Variants in ARHGAP26 observed in about 807,000 individuals in gnomAD.
The protein encoded by ARHGAP26 is rho GTPase-activating protein 26.
Under a neutral mutation model 104.8 loss-of-function variants are expected in ARHGAP26, and 38 were observed. The observed-to-expected ratio is 0.36, with a 90% confidence interval of 0.28 to 0.48. The LOEUF is 0.48. ARHGAP26 is among the 20% of genes least tolerant of loss of function. The pLI is 0.99. For missense variants in ARHGAP26, 704 were observed against 947.9 expected, an observed-to-expected ratio of 0.74 and a Z score of 3.38; for synonymous variants, 341 against 340.0, an observed-to-expected ratio of 1.00 and a Z score of -0.03.
At chr5:142,869,218 T>C (rs1329664206) in intron 1 of ARHGAP26, among the ~76,000 whole-genome samples, 1 of 149,588 alleles carries the variant, frequency 6.7e-6, no homozygotes, top group South Asian at 2.1e-4. Context: ...CTTTTTTTTT[T>C]TTTTTTGAGA....
At chr5:143,136,383 T>C (rs1445614022) in intron 19 of ARHGAP26, among the ~76,000 whole-genome samples, 1 of 152,180 alleles carries the variant, frequency 6.6e-6, no homozygotes, top group Non-Finnish European at 1.5e-5. Flanking sequence ...AGGGCCTTTC[T>C]CTAAATGTTA....
chr5:142,775,828 A>G (rs1756208214), intron 1 of ARHGAP26, among the ~76,000 whole-genome samples: 1 of 152,202 alleles, frequency 6.6e-6, no homozygotes, highest in Non-Finnish European at 1.5e-5. Context: ...TCATGGCTAA[A>G]TATCTTATTG....
At chr5:142,796,475 C>T (rs923551792) in intron 1 of ARHGAP26, among the ~76,000 whole-genome samples, 1 of 152,162 alleles carries the variant, frequency 6.6e-6, no homozygotes, top group Middle Eastern at 3.2e-3. Context: ...TATTAAAATT[C>T]CCACATATAT....
At chr5:142,920,594 T>C (rs1228280899) in intron 10 of ARHGAP26, among the ~76,000 whole-genome samples, 1 of 152,202 alleles carries the variant, frequency 6.6e-6, no homozygotes, top group African/African-American at 2.4e-5. Flanking sequence ...TAGCTGACTC[T>C]CACCAATGTC....
intron 14 of ARHGAP26, among the ~76,000 whole-genome samples, chr5:143,052,229 T>G (rs1383096207): frequency 6.6e-6 from 1 of 152,134 alleles, no homozygotes; most frequent in African/African-American, 2.4e-5. Context: ...CCCAGCACTT[T>G]AGGAGGCCGA....
intron 6 of ARHGAP26, among the ~76,000 whole-genome samples, chr5:142,897,096 G>T (rs757994655): frequency 1.3e-5 from 2 of 152,192 alleles, no homozygotes; most frequent in Non-Finnish European, 2.9e-5. Flanking sequence ...GGCATTCACA[G>T]CCTCACTGGG....
intron 11 of ARHGAP26, among the ~76,000 whole-genome samples, chr5:142,991,367 T>C (rs1775589513): frequency 6.6e-6 from 1 of 152,190 alleles, no homozygotes; most frequent in Non-Finnish European, 1.5e-5. Context: ...CTGTCACAGC[T>C]TCCCTTGGCC....
At chr5:142,841,863 G>T (rs527465065) in intron 1 of ARHGAP26, among the ~76,000 whole-genome samples, 8 of 152,300 alleles carry the variant, frequency 5.3e-5, no homozygotes, top group Middle Eastern at 3.4e-3. Context: ...TCAGAGGGAG[G>T]TCCTGTTGCA....
intron 22 of ARHGAP26, among the ~76,000 whole-genome samples, chr5:143,221,709 G>C (rs1811164383): frequency 6.6e-6 from 1 of 152,260 alleles, no homozygotes. Context: ...ATTTTGTAGA[G>C]ACAAGGTTTT....
intron 19 of ARHGAP26, among the ~76,000 whole-genome samples, chr5:143,146,277 G>A (rs529104809): frequency 6.6e-6 from 1 of 152,262 alleles, no homozygotes; most frequent in Non-Finnish European, 1.5e-5. Context: ...ATGATTCCAA[G>A]TTTTTAAAGA....
intron 21 of ARHGAP26, among the ~76,000 whole-genome samples, chr5:143,210,072 A>T (rs1032262816): frequency 1.3e-5 from 2 of 152,162 alleles, no homozygotes; most frequent in African/African-American, 4.8e-5. Flanking sequence ...CTTCTGAATG[A>T]TGTCTCCTCT....
intron 1 of ARHGAP26, among the ~76,000 whole-genome samples, chr5:142,818,173 T>C (rs1186825325): frequency 6.6e-6 from 1 of 151,556 alleles, no homozygotes; most frequent in East Asian, 1.9e-4. Flanking sequence ...CCTTCCACCG[T>C]GCCATGTGGG....
At chr5:143,031,070 C>T (rs1287890329) in intron 12 of ARHGAP26, among the ~76,000 whole-genome samples, 1 of 152,206 alleles carries the variant, frequency 6.6e-6, no homozygotes, top group East Asian at 1.9e-4. Flanking sequence ...GAGTTGGGAG[C>T]CAAAGGCTCC....
intron 11 of ARHGAP26, among the ~76,000 whole-genome samples, chr5:142,977,669 C>G (rs1274070212): frequency 6.6e-6 from 1 of 152,202 alleles, no homozygotes; most frequent in Non-Finnish European, 1.5e-5. Flanking sequence ...CTAGAAGTTG[C>G]TAGCCATCTC....
intron 1 of ARHGAP26, among the ~76,000 whole-genome samples, chr5:142,825,353 C>T (rs1437785712): frequency 6.6e-6 from 1 of 152,150 alleles, no homozygotes; most frequent in Non-Finnish European, 1.5e-5. Flanking sequence ...CCATGAGGGA[C>T]AGAGGCCCCC....
chr5:143,031,789 C>T (rs565557098), intron 12 of ARHGAP26, among the ~76,000 whole-genome samples: 4 of 152,144 alleles, frequency 2.6e-5, no homozygotes, highest in South Asian at 2.1e-4. Context: ...GGTGCAGTCT[C>T]GGCTTACTGC....
intron 1 of ARHGAP26, among the ~76,000 whole-genome samples, chr5:142,802,036 T>C (rs549117855): frequency 6.6e-6 from 1 of 152,284 alleles, no homozygotes; most frequent in African/African-American, 2.4e-5. Context: ...CTTAAATCCC[T>C]GGAAGCTCCA....
chr5:142,954,526 A>G (rs938514687), intron 11 of ARHGAP26, among the ~76,000 whole-genome samples: 6 of 152,158 alleles, frequency 3.9e-5, no homozygotes, highest in African/African-American at 1.4e-4. Flanking sequence ...TGTGTCTCTT[A>G]AGAACACTCA....
At chr5:143,106,286 G>A (rs1794002985) in intron 17 of ARHGAP26, among the ~76,000 whole-genome samples, 1 of 152,038 alleles carries the variant, frequency 6.6e-6, no homozygotes, top group Non-Finnish European at 1.5e-5. Flanking sequence ...TAAATGGGTT[G>A]AGGCTGCAGA....
Sources: allele counts gnomAD v4.1 joint callset (sites outside exome capture counted in the v4.1 genomes callset), GRCh38; gene constraint gnomAD v4.1.1; transcripts MANE v1.5; gene names NCBI Gene and HGNC (gene_info 2026-07-23, HGNC 2026-07-21).